Variants in WWOX observed in about 807,000 individuals in gnomAD.
WWOX encodes WW domain-containing oxidoreductase.
A neutral mutation model predicts 46.2 loss-of-function variants in WWOX; 69 were observed. The observed-to-expected ratio is 1.49, with a 90% CI of 1.23 to 1.82. WWOX has a LOEUF of 1.82. WWOX is among the 40% of genes most tolerant of loss of function. WWOX has a pLI of 0.00. For missense variants in WWOX, 919 were observed against 542.6 expected (o/e 1.69, Z -6.89); for synonymous variants, 359 against 202.6 (o/e 1.77, Z -6.56).
chr16:78,649,281 G>A (rs1226763532), intron 8 of WWOX, among the ~76,000 whole-genome samples: 3 of 152,066 alleles, frequency 2.0e-5, no homozygotes, highest in Non-Finnish European at 2.9e-5. Flanking sequence ...CACCGTGACT[G>A]ACCTGTTTTT....
intron 4 of WWOX, among the ~76,000 whole-genome samples, chr16:78,145,108 G>A (rs1039069883): frequency 6.6e-6 from 1 of 152,200 alleles, no homozygotes; most frequent in African/African-American, 2.4e-5. Flanking sequence ...GAAGGTTGAA[G>A]TCAAGGTGTT....
At chr16:78,585,081 A>G (rs2045162272) in intron 8 of WWOX, among the ~76,000 whole-genome samples, 1 of 152,168 alleles carries the variant, frequency 6.6e-6, no homozygotes, top group Non-Finnish European at 1.5e-5. Flanking sequence ...CGGATCTTTT[A>G]CTCAAAACCT....
chr16:78,180,810 C>G (rs1017026728), intron 5 of WWOX, among the ~76,000 whole-genome samples: 1 of 152,080 alleles, frequency 6.6e-6, no homozygotes. Flanking sequence ...CCAGCTGCAC[C>G]CCAGAGCAGG....
chr16:78,360,490 C>G (rs1400708442), intron 5 of WWOX, among the ~76,000 whole-genome samples: 2 of 149,298 alleles, frequency 1.3e-5, no homozygotes, highest in African/African-American at 5.0e-5. Context: ...GAGGCTGAGA[C>G]ATGAGAATCA....
At chr16:78,978,164 T>C (rs1006313785) in intron 8 of WWOX, among the ~76,000 whole-genome samples, 3 of 152,200 alleles carry the variant, frequency 2.0e-5, no homozygotes, top group African/African-American at 7.2e-5. Flanking sequence ...GTGGCATGTA[T>C]CAGTACTTCA....
intron 8 of WWOX, among the ~76,000 whole-genome samples, chr16:79,139,928 C>G (rs184706355): frequency 3.3e-5 from 5 of 152,306 alleles, no homozygotes; most frequent in Non-Finnish European, 5.9e-5. Flanking sequence ...TTGTAATTCT[C>G]CAAATACGGA....
intron 8 of WWOX, among the ~76,000 whole-genome samples, chr16:78,808,784 G>A (rs1216912249): frequency 6.6e-6 from 1 of 152,032 alleles, no homozygotes; most frequent in East Asian, 1.9e-4. Flanking sequence ...CCAGTGTCGT[G>A]GTGTGTGATC....
chr16:78,234,095 A>G (rs960276317), intron 5 of WWOX, among the ~76,000 whole-genome samples: 1 of 147,966 alleles, frequency 6.8e-6, no homozygotes, highest in African/African-American at 2.5e-5. Context: ...TTTAGTCCAG[A>G]ACACGGTGGG....
At chr16:79,021,889 A>G (rs2047540957) in intron 8 of WWOX, among the ~76,000 whole-genome samples, 1 of 152,216 alleles carries the variant, frequency 6.6e-6, no homozygotes, top group African/African-American at 2.4e-5. Flanking sequence ...GGTTTTCTGG[A>G]GCCAGGATGA....
At chr16:78,668,147 G>A (rs1020036602) in intron 8 of WWOX, among the ~76,000 whole-genome samples, 1 of 152,152 alleles carries the variant, frequency 6.6e-6, no homozygotes, top group Non-Finnish European at 1.5e-5. Flanking sequence ...AGCTGTGGTG[G>A]CACATGCCTG....
chr16:78,931,966 G>T (rs1267120724), intron 8 of WWOX, among the ~76,000 whole-genome samples: 1 of 152,186 alleles, frequency 6.6e-6, no homozygotes, highest in African/African-American at 2.4e-5. Flanking sequence ...CAGTTCCCCT[G>T]CACAAACTCT....
chr16:78,786,371 A>T (rs1436621053), intron 8 of WWOX, among the ~76,000 whole-genome samples: 2 of 152,206 alleles, frequency 1.3e-5, no homozygotes, highest in African/African-American at 2.4e-5. Flanking sequence ...GAGTTGGGGA[A>T]CACGTTATTA....
At chr16:78,829,057 G>T (rs1175560592) in intron 8 of WWOX, among the ~76,000 whole-genome samples, 1 of 152,028 alleles carries the variant, frequency 6.6e-6, no homozygotes, top group East Asian at 1.9e-4. Context: ...ATCATAAGCA[G>T]AACCATCATA....
chr16:78,492,102 C>A (rs4887964), intron 8 of WWOX, among the ~76,000 whole-genome samples: 1 of 152,128 alleles, frequency 6.6e-6, no homozygotes, highest in African/African-American at 2.4e-5. Flanking sequence ...AGATTCCCAG[C>A]CAACTGGTTT....
intron 8 of WWOX, among the ~76,000 whole-genome samples, chr16:78,813,157 C>T (rs1372824989): frequency 6.6e-6 from 1 of 150,734 alleles, no homozygotes; most frequent in African/African-American, 2.4e-5. Context: ...AAAAAAAATT[C>T]AGCATCTCAA....
At chr16:78,917,683 C>A (rs189937434) in intron 8 of WWOX, among the ~76,000 whole-genome samples, 6 of 152,192 alleles carry the variant, frequency 3.9e-5, no homozygotes, top group Admixed American at 3.9e-4. Context: ...TCCTACATGG[C>A]TGTGACTACT....
chr16:78,599,399 C>T (rs2045568605), intron 8 of WWOX, among the ~76,000 whole-genome samples: 1 of 152,226 alleles, frequency 6.6e-6, no homozygotes, highest in African/African-American at 2.4e-5. Flanking sequence ...AAAGGGCCTG[C>T]TGCCCTGCCC....
In WWOX at chr16:79,018,704, C is replaced by G. The variant is rs1163844405; in HGVS notation, c.1057-192904C>G. Among the ~76,000 whole-genome samples, 2 of 152,158 alleles carry G rather than the reference C, an allele frequency of 1.3e-5. 1 individual carries two copies. The highest frequency in any genetic ancestry group is 1.3e-4 in the Admixed American group (2 of 15,266). On this transcript the variant is annotated intron_variant, in intron 8 of 8. Transcript: ENST00000566780. ...GCCGCCTCCTCCACATGAAATCAAC[C>G]AGAAAGTGATTGATTCTGCAGAGCC... is the stretch of plus-strand genomic sequence containing the variant.
At chr16:78,884,229 G>C (rs1458298150) in intron 8 of WWOX, among the ~76,000 whole-genome samples, 1 of 140,798 alleles carries the variant, frequency 7.1e-6, no homozygotes, top group Non-Finnish European at 1.5e-5. Flanking sequence ...GCTGTGATTA[G>C]GTCCCTGCAC....
Sources: allele counts gnomAD v4.1 joint callset (sites outside exome capture counted in the v4.1 genomes callset), GRCh38; gene constraint gnomAD v4.1.1; transcripts MANE v1.5; gene names NCBI Gene and HGNC (gene_info 2026-07-23, HGNC 2026-07-21).